Variants in STPG2 observed in about 807,000 individuals in gnomAD.
STPG2 encodes sperm tail PG-rich repeat containing 2.
STPG2 carries 56 observed loss-of-function variants against 54.2 expected under a neutral mutation model. The observed-to-expected ratio is 1.03, with a 90% confidence interval of 0.83 to 1.29. The LOEUF (loss-of-function observed/expected upper bound fraction) is 1.29. STPG2 is among the 50% of genes most tolerant of loss of function. STPG2 has a pLI of 0.00. For missense variants in STPG2, 596 were observed against 544.9 expected (o/e 1.09, Z -0.93); for synonymous variants, 200 against 181.8 (o/e 1.10, Z -0.81).
intron 9 of STPG2, among the ~76,000 whole-genome samples, chr4:97,805,029 C>T (rs1727508941): frequency 6.6e-6 from 1 of 152,126 alleles, no homozygotes; most frequent in South Asian, 2.1e-4. Context: ...ACATATTTCT[C>T]AGAGCATATT....
chr4:97,663,436 TAAGAG>T (rs1560708567), intron 10 of STPG2, among the ~76,000 whole-genome samples: 1 of 152,208 alleles, frequency 6.6e-6, no homozygotes, highest in Non-Finnish European at 1.5e-5. Context: ...AATTTGTTTA[TAAGAG>T]AAAATAGCCA....
intron 8 of STPG2, among the ~76,000 whole-genome samples, chr4:97,914,269 G>A (rs1731789250): frequency 6.6e-6 from 1 of 151,966 alleles, no homozygotes; most frequent in South Asian, 2.1e-4. Context: ...CTAATCTGAG[G>A]ATTCTCTGAA....
At chr4:97,875,081 T>C (rs1165914359) in intron 8 of STPG2, among the ~76,000 whole-genome samples, 1 of 152,014 alleles carries the variant, frequency 6.6e-6, no homozygotes, top group African/African-American at 2.4e-5. Context: ...GATCATTCAC[T>C]AGTTAATGAA....
chr4:97,833,114 T>C (rs1349895070), intron 9 of STPG2, among the ~76,000 whole-genome samples: 1 of 152,144 alleles, frequency 6.6e-6, no homozygotes, highest in Non-Finnish European at 1.5e-5. Context: ...CAAACTATAC[T>C]ACAAGGCTAC....
chr4:98,057,226 C>T (rs1737511026), intron 5 of STPG2, among the ~76,000 whole-genome samples: 1 of 152,140 alleles, frequency 6.6e-6, no homozygotes, highest in Non-Finnish European at 1.5e-5. Context: ...AATGACAGAA[C>T]TAGAATTCAG....
intron 9 of STPG2, among the ~76,000 whole-genome samples, chr4:97,716,289 G>T (rs1724286058): frequency 6.6e-6 from 1 of 152,088 alleles, no homozygotes; most frequent in Non-Finnish European, 1.5e-5. Flanking sequence ...AGACAGTGTG[G>T]CAATTCCTCA....
chr4:98,136,574 G>A (rs547891162), intron 1 of STPG2, among the ~76,000 whole-genome samples: 1 of 151,614 alleles, frequency 6.6e-6, no homozygotes, highest in South Asian at 2.1e-4. Flanking sequence ...ACACCATTGT[G>A]CAAAATTTTA....
chr4:98,097,726 T>G (rs1738901548), intron 5 of STPG2, among the ~76,000 whole-genome samples: 1 of 152,134 alleles, frequency 6.6e-6, no homozygotes, highest in Non-Finnish European at 1.5e-5. Flanking sequence ...CTGGAAAACC[T>G]AAAGACTCCA....
At chr4:97,864,075 A>G (rs546142054) in intron 8 of STPG2, among the ~76,000 whole-genome samples, 235 of 152,272 alleles carry the variant, frequency 1.5e-3, no homozygotes, top group African/African-American at 5.6e-3. Flanking sequence ...CCTATTCAAC[A>G]TAGTGTTGGA....
At chr4:97,571,360 CAA>C (rs1732595491) in intron 10 of STPG2, among the ~76,000 whole-genome samples, 1 of 152,032 alleles carries the variant, frequency 6.6e-6, no homozygotes, top group Admixed American at 6.6e-5. Flanking sequence ...AAATTTAACC[CAA>C]GAGACTGTTT....
At chr4:97,811,163 A>C (rs1248223627) in intron 9 of STPG2, among the ~76,000 whole-genome samples, 1 of 152,128 alleles carries the variant, frequency 6.6e-6, no homozygotes, top group Non-Finnish European at 1.5e-5. Context: ...TTGCTGCCCC[A>C]AAAAGGCTTA....
At chr4:97,905,815 CAACGAG>C (rs1156976410) in intron 8 of STPG2, among the ~76,000 whole-genome samples, 1 of 151,878 alleles carries the variant, frequency 6.6e-6, no homozygotes, top group Non-Finnish European at 1.5e-5. Context: ...TCTTTGAAAC[CAACGAG>C]AACAAAGACA....
At chr4:97,864,628 T>C (rs1380891752) in intron 8 of STPG2, among the ~76,000 whole-genome samples, 2 of 152,088 alleles carry the variant, frequency 1.3e-5, no homozygotes, top group Admixed American at 1.3e-4. Context: ...GAGCCCGCAT[T>C]GCCAAGTCAA....
intron 10 of STPG2, among the ~76,000 whole-genome samples, chr4:97,666,110 C>T (rs886224570): frequency 6.6e-6 from 1 of 152,154 alleles, no homozygotes; most frequent in African/African-American, 2.4e-5. Flanking sequence ...CCCAAGAGCA[C>T]AGGAATGCCC....
At chr4:97,600,175 AC>A (rs1733421419) in intron 10 of STPG2, among the ~76,000 whole-genome samples, 1 of 152,184 alleles carries the variant, frequency 6.6e-6, no homozygotes, top group African/African-American at 2.4e-5. Context: ...GAATCTGTAC[AC>A]CAAACCCCTA....
At chr4:97,553,808 A>G (rs1032282590) in intron 4 of STPG2, among the ~76,000 whole-genome samples, 6 of 152,150 alleles carry the variant, frequency 3.9e-5, no homozygotes. Flanking sequence ...GGACTATTCA[A>G]TCTTTGGATT....
intron 4 of STPG2, among the ~76,000 whole-genome samples, chr4:97,505,171 T>G (rs944715276): frequency 6.6e-6 from 1 of 151,922 alleles, no homozygotes; most frequent in Non-Finnish European, 1.5e-5. Flanking sequence ...CTCTAAGATA[T>G]GTGAAGGAGC....
chr4:97,606,320 C>A (rs1288552797), intron 10 of STPG2, among the ~76,000 whole-genome samples: 1 of 151,832 alleles, frequency 6.6e-6, no homozygotes, highest in Non-Finnish European at 1.5e-5. Flanking sequence ...TAACTGGTTT[C>A]CTTACTGAAT....
intron 3 of STPG2, among the ~76,000 whole-genome samples, chr4:98,122,718 T>C (rs900651905): frequency 1.1e-4 from 14 of 127,712 alleles, no homozygotes; most frequent in Admixed American, 5.9e-4. Context: ...GAGGAGTCCC[T>C]CCTTTTCATT....
Sources: gnomAD v4.1 joint callset for allele counts (sites outside exome capture counted in the v4.1 genomes callset) on GRCh38, gnomAD v4.1.1 for gene constraint, MANE v1.5 for transcripts, NCBI Gene and HGNC (gene_info 2026-07-23, HGNC 2026-07-21) for gene names.